ARHGAP23: variants seen among roughly 807,000 people sequenced by gnomAD.
ARHGAP23 encodes the protein Rho GTPase activating protein 23, also known as rho GTPase-activating protein 23.
In ARHGAP23, 34 loss-of-function variants were observed where a neutral mutation model predicts 136.3. The observed-to-expected ratio is 0.25, with a 90% CI of 0.19 to 0.33. The LOEUF is 0.33. Ranked by LOEUF, ARHGAP23 falls within the 10% of genes least tolerant of loss-of-function variation. ARHGAP23 has a pLI of 1.00. For missense variants in ARHGAP23, 1,808 were observed against 2,139.0 expected (o/e 0.85, Z 3.05); for synonymous variants, 832 against 920.5 (o/e 0.90, Z 1.74).
chr17:38,509,866 G>T, intron 23 of ARHGAP23, 78 bp from the exon 24 acceptor site: 1 of 1,120,186 alleles, frequency 8.9e-7, no homozygotes, highest in Non-Finnish European at 1.1e-6. Context: ...CCGTGACGTG[G>T]GGGTGGACCG....
intron 11 of ARHGAP23, among the ~76,000 whole-genome samples, chr17:38,476,890 A>G (rs1219611563): frequency 6.6e-6 from 1 of 152,114 alleles, no homozygotes; most frequent in Non-Finnish European, 1.5e-5. Context: ...CTGTTTAACT[A>G]CAGGTGTAGA....
In ARHGAP23 at chr17:38,451,333, C is replaced by G. The variant is rs1157350902; in HGVS notation, c.64-6769C>G. On this transcript the variant is annotated intron_variant, in intron 1 of 23. Transcript: ENST00000622683. ...CCTTGGCTGGGCCTTGCTCCCCTGC[C>G]AGGTTAGAGGGCAGGAAATGGACAT... The G allele has an allele frequency of 3.3e-5, 5 of 152,240 alleles. No homozygotes were observed. In the East Asian group the frequency reaches 9.6e-4, roughly 29 times the overall value. The allele number at this position is 152,240 out of a possible 1,614,324, so 9.4% of individuals were successfully genotyped here.
At chr17:38,453,195 C>T (rs762958660) in intron 1 of ARHGAP23, among the ~76,000 whole-genome samples, 3 of 151,550 alleles carry the variant, frequency 2.0e-5, no homozygotes, top group African/African-American at 4.9e-5. Context: ...TACACTTGGG[C>T]GGATGTCTGA....
chr17:38,510,685 C>T lies in ARHGAP23; in HGVS notation c.4189C>T (p.Arg1397Trp), dbSNP rs1192524927. ...GCGGCGGCCGCTGTCGCCCGAGACC[C>T]GGCGGCGCCGGAGCAGCTGGCGCCG... is the stretch of plus-strand genomic sequence containing the variant. ...RLRRPLSPET[R>W]RRRSSWRRHT... Residue 1397 changes from arginine to tryptophan, a missense_variant, in exon 24 of 24, where the codon CGG becomes TGG. This residue lies in a region of ARHGAP23 where 506 missense variants were observed against 455.8 expected (regional missense o/e 1.11). Transcript: ENST00000622683. The surrounding 1 kb of genome is among the most constrained non-coding windows in gnomAD (Gnocchi z 4.6). The T allele has an allele frequency of 7.1e-7, 1 of 1,415,458 alleles. No individual in the cohort carries two copies. Among genetic ancestry groups the T allele is most frequent in the Non-Finnish European group, 9.1e-7 (1 of 1,093,162 alleles). The allele number at this position is 1,415,458 out of a possible 1,614,324, so 87.7% of individuals were successfully genotyped here. A position where few individuals can be genotyped will look rare whatever the true frequency, so the allele number is the denominator to read the frequency against.
chr17:38,486,177 C>T (rs1382086880), intron 17 of ARHGAP23, 37 bp downstream of exon 17: 22 of 1,502,304 alleles, frequency 1.5e-5, no homozygotes, highest in Non-Finnish European at 1.9e-5. Context: ...GGAGGGGACA[C>T]CAGTCCGTGC....
intron 1 of ARHGAP23, among the ~76,000 whole-genome samples, chr17:38,448,682 G>A (rs1329171303): frequency 1.5e-5 from 2 of 136,856 alleles, no homozygotes; most frequent in Admixed American, 8.0e-5. Context: ...GTCTTGGTCC[G>A]TCACCCAGGC....
upstream of ARHGAP23, among the ~76,000 whole-genome samples, chr17:38,424,428 C>T (rs1192412453): frequency 6.6e-6 from 1 of 152,186 alleles, no homozygotes; most frequent in African/African-American, 2.4e-5. Flanking sequence ...CTCCTCCCTG[C>T]ACAGTCTGAC....
At chr17:38,443,860 T>TA (rs1396308757) in intron 1 of ARHGAP23, among the ~76,000 whole-genome samples, 1 of 152,058 alleles carries the variant, frequency 6.6e-6, no homozygotes, top group Non-Finnish European at 1.5e-5. Flanking sequence ...GTGCACCTGT[T>TA]ACCTCTGCCC....
At chr17:38,459,805 C>T (rs557420689) in intron 2 of ARHGAP23, among the ~76,000 whole-genome samples, 2 of 152,330 alleles carry the variant, frequency 1.3e-5, no homozygotes, top group African/African-American at 4.8e-5. Flanking sequence ...CATCTGTCTG[C>T]CTCTGCCACT....
chr17:38,466,121 T>C, intron 6 of ARHGAP23, 46 bp from the exon 7 acceptor site: 1 of 1,418,496 alleles, frequency 7.0e-7, no homozygotes, highest in South Asian at 1.5e-5. Flanking sequence ...CCCTACCCTG[T>C]GGGACTTGTC....
At chr17:38,454,403 C>T (rs2039275186) in intron 1 of ARHGAP23, among the ~76,000 whole-genome samples, 1 of 152,128 alleles carries the variant, frequency 6.6e-6, no homozygotes, top group Non-Finnish European at 1.5e-5. Flanking sequence ...CTCTCGGTTT[C>T]CAGGCAGTGG....
chr17:38,497,782 C>T lies in ARHGAP23; in HGVS notation c.3277-3C>T, dbSNP rs1260639949. 1.3e-6 allele frequency: 2 copies of T among 1,550,930 alleles called. No individual in the cohort carries two copies. Among genetic ancestry groups the T allele is most frequent in the Non-Finnish European group, 1.7e-6 (2 of 1,146,734 alleles). ...TCATCCCTTCCTTTTGTCTTCTCTG[C>T]AGTCAGACTGGTTCTTCAGTGACGA... On this transcript the variant is annotated splice_polypyrimidine_tract_variant and splice_region_variant and intron_variant, in intron 20 of 23. Transcript: ENST00000622683.
intron 18 of ARHGAP23, 32 bp downstream of exon 18, chr17:38,490,207 G>C: frequency 6.5e-7 from 1 of 1,545,486 alleles, no homozygotes; most frequent in Non-Finnish European, 8.8e-7. Context: ...CAGACACGAG[G>C]TGGGGCAGCT....
chr17:38,435,506 G>C (rs2038774925), intron 1 of ARHGAP23, among the ~76,000 whole-genome samples: 2 of 152,200 alleles, frequency 1.3e-5, no homozygotes, highest in African/African-American at 4.8e-5. Context: ...CAGCCCAAGG[G>C]AGAACCTTGC....
chr17:38,467,725 T>C (rs1281136000), intron 7 of ARHGAP23, among the ~76,000 whole-genome samples: 1 of 152,124 alleles, frequency 6.6e-6, no homozygotes, highest in East Asian at 1.9e-4. Context: ...CTTCCTTCTT[T>C]CCTTCCTCTC....
chr17:38,420,355 G>A (rs2038508259), intron 1 of ARHGAP23, among the ~76,000 whole-genome samples: 1 of 152,200 alleles, frequency 6.6e-6, no homozygotes, highest in Non-Finnish European at 1.5e-5. Context: ...TGGAGAGGCG[G>A]GATAGGTTTT....
At chr17:38,463,003 A>G in intron 4 of ARHGAP23, 62 bp downstream of exon 4, 1 of 1,538,510 alleles carries the variant, frequency 6.5e-7, no homozygotes, top group South Asian at 1.2e-5. Flanking sequence ...TTATTCTCAG[A>G]TCCAGGTGTT....
At chr17:38,459,731 G>T (rs2039414511) in intron 2 of ARHGAP23, among the ~76,000 whole-genome samples, 1 of 152,222 alleles carries the variant, frequency 6.6e-6, no homozygotes, top group South Asian at 2.1e-4. Context: ...GCAGGAGGAG[G>T]CTGTGTTCTC....
intron 23 of ARHGAP23, among the ~76,000 whole-genome samples, chr17:38,504,048 A>C (rs577756106): frequency 1.3e-5 from 2 of 152,266 alleles, no homozygotes; most frequent in African/African-American, 4.8e-5. Flanking sequence ...AAGTAACTAG[A>C]AGTTTGGGCA....
Sources: allele counts gnomAD v4.1 joint callset (sites outside exome capture counted in the v4.1 genomes callset), GRCh38; gene constraint gnomAD v4.1.1; regional missense constraint gnomAD v4.1.1; non-coding constraint Gnocchi (gnomAD v3.1); transcripts MANE v1.5; gene names NCBI Gene and HGNC (gene_info 2026-07-23, HGNC 2026-07-21).